VIL1: variants seen among roughly 807,000 people sequenced by gnomAD.
VIL1 encodes villin-1.
Under a neutral mutation model 104.0 loss-of-function variants are expected in VIL1, and 86 were observed. That is an observed-to-expected ratio of 0.83 (90% CI 0.69 to 0.99). The LOEUF (loss-of-function observed/expected upper bound fraction) is 0.99. Ranked by LOEUF, VIL1 falls within the 50% of genes least tolerant of loss-of-function variation. The pLI is 0.00. For missense variants in VIL1, 944 were observed against 1,054.1 expected (o/e 0.90, Z 1.45); for synonymous variants, 394 against 412.6 (o/e 0.95, Z 0.55).
rs1689058391 is a variant in VIL1 at position 218,429,504 on chromosome 2, G to T, written c.770+17G>T. ...ACTGTACCAGTGAGCGCCCAGCGGG[G>T]TCTTCCTGGGTGCTGGGGACTCCCT... is the stretch of plus-strand genomic sequence containing the variant. On this transcript the variant is annotated intron_variant, in intron 7 of 19. Coordinates refer to ENST00000248444, the MANE Select transcript of VIL1 (RefSeq NM_007127.3). 6.2e-7 allele frequency: 1 copy of T among 1,613,500 alleles called. No individual in the cohort carries two copies. The highest frequency in any genetic ancestry group is 8.5e-7 in the Non-Finnish European group (1 of 1,179,626).
intron 4 of VIL1, among the ~76,000 whole-genome samples, chr2:218,426,044 CTTA>C: frequency 6.6e-6 from 1 of 152,278 alleles, no homozygotes; most frequent in Non-Finnish European, 1.5e-5. Context: ...CTCCCTAACT[CTTA>C]TTTCTGCCAC....
Position 218,420,005 on chromosome 2 carries a change from G to A in VIL1, c.-12+837G>A, listed in dbSNP as rs1005592099. Among the ~76,000 whole-genome samples, 6 of 152,286 alleles carry A rather than the reference G, an allele frequency of 3.9e-5. No individual in the cohort carries two copies. In the South Asian group the frequency reaches 8.3e-4, roughly 21 times the overall value. On this transcript the variant is annotated intron_variant, in intron 1 of 19. Transcript: ENST00000248444. ...GCAGGAGGATGTCCTTTGTCTGAGG[G>A]GTGGGACTTCACCCCCACTGCCCCA...
In VIL1 at chr2:218,432,045, G is replaced by A; in HGVS notation, c.1204-1G>A. 1 of 1,614,106 alleles carries A rather than the reference G, an allele frequency of 6.2e-7. No homozygotes were observed. Among genetic ancestry groups the A allele is most frequent in the Non-Finnish European group, 8.5e-7 (1 of 1,180,016 alleles). Reference sequence around the variant, plus strand: ...TCACCCTGGCCTGATACTGGCCCTAGGTGTGGCGCATTGAGAACCTAGAGC... The same window carrying A: ...TCACCCTGGCCTGATACTGGCCCTAAGTGTGGCGCATTGAGAACCTAGAGC... On this transcript the variant is annotated splice_acceptor_variant, in intron 11 of 19. Transcript: ENST00000248444. LOFTEE classifies it high-confidence loss of function.
At chr2:218,424,216 T>C (rs1688939988) in intron 2 of VIL1, 61 bp from the exon 3 acceptor site, 1 of 1,500,848 alleles carries the variant, frequency 6.7e-7, no homozygotes, top group East Asian at 2.3e-5. Context: ...TGGGCCCTCC[T>C]CCCAGGCCTA....
chr2:218,437,170 C>T lies in VIL1; in HGVS notation c.2018C>T (p.Ala673Val), dbSNP rs1233345397. The T allele has an allele frequency of 1.7e-5, 27 of 1,614,012 alleles. No individual in the cohort carries two copies. Among genetic ancestry groups the T allele is most frequent in the Non-Finnish European group, 2.1e-5 (25 of 1,180,032 alleles). The change falls in exon 17 of 20, where the codon GCC (alanine) becomes GTC (valine). Residue 673 changes from alanine to valine, a missense_variant. Ala to Val is a moderately conservative substitution (Grantham distance 64, BLOSUM62 0). Coordinates refer to ENST00000248444, the MANE Select transcript of VIL1 (RefSeq NM_007127.3). The part of the protein sequence containing the change: ...GKHANEEEKK[A>V]AATTAQEYLK... ...CATGCCAACGAGGAGGAGAAGAAGG[C>T]CGCAGCAACCACTGCACAGGAATAC...
chr2:218,420,814 T>C (rs1045625423), intron 1 of VIL1, among the ~76,000 whole-genome samples: 67 of 152,252 alleles, frequency 4.4e-4, no homozygotes, highest in Non-Finnish European at 8.1e-4. Flanking sequence ...CTTGATCTCC[T>C]GACCTCGTGA....
chr2:218,425,538 G>C, intron 3 of VIL1, 77 bp from the exon 4 acceptor site: 1 of 1,474,672 alleles, frequency 6.8e-7, no homozygotes, highest in Non-Finnish European at 9.4e-7. Context: ...TGGACGGCAC[G>C]TGTGTGGGAG....
At position 218,432,063 on chromosome 2, in the gene VIL1, CCTAGAG is replaced by C. The variant is rs1320013618; in HGVS notation, c.1224_1229del (p.Glu409_Leu410del). Reference sequence around the variant, plus strand: ...GGCCCTAGGTGTGGCGCATTGAGAACCTAGAGCTGGTACCTGTGGATTCCAAGTGGC... The same window carrying C: ...GGCCCTAGGTGTGGCGCATTGAGAACCTGGTACCTGTGGATTCCAAGTGGC... On this transcript the variant is annotated inframe_deletion, in exon 12 of 20. Transcript: ENST00000248444. 1 of 1,614,082 alleles carries C rather than the reference CCTAGAG, an allele frequency of 6.2e-7. No individual in the cohort carries two copies. The highest frequency in any genetic ancestry group is 1.1e-5 in the South Asian group (1 of 91,080).
At position 218,433,902 on chromosome 2, in the gene VIL1, A is replaced by G. The variant is rs956626584; in HGVS notation, c.1501-624A>G. Among the ~76,000 whole-genome samples, 29 of 131,812 alleles carry G rather than the reference A, an allele frequency of 2.2e-4. 1 individual carries two copies. Among genetic ancestry groups the G allele is most frequent in the Admixed American group, 7.3e-4 (10 of 13,620 alleles). The allele number at this position is 131,812 out of a possible 152,430, so 86.5% of individuals were successfully genotyped here. A position where few individuals can be genotyped will look rare whatever the true frequency, so the allele number is the denominator to read the frequency against. On this transcript the variant is annotated intron_variant, in intron 13 of 19. Coordinates refer to ENST00000248444, the MANE Select transcript of VIL1 (RefSeq NM_007127.3). ...AACAGAGCGAGACTCCGTCTCAAGG[A>G]AAAAAAAAAAAAGGCTAGGCGCTGT...
At chr2:218,441,362 C>T (rs1216426609) in intron 19 of VIL1, among the ~76,000 whole-genome samples, 1 of 151,086 alleles carries the variant, frequency 6.6e-6, no homozygotes, top group Non-Finnish European at 1.5e-5. Context: ...GCACTCCACC[C>T]TGGGTGACAG....
chr2:218,430,285 G>C (rs1199359805), intron 9 of VIL1, among the ~76,000 whole-genome samples: 3 of 152,208 alleles, frequency 2.0e-5, no homozygotes, highest in African/African-American at 7.2e-5. Context: ...CCTACAAAAG[G>C]GGATTGGGTC....
At chr2:218,435,267 A>G in intron 14 of VIL1, 22 bp from the exon 15 acceptor site, 2 of 1,610,128 alleles carry the variant, frequency 1.2e-6, no homozygotes, top group Non-Finnish European at 1.7e-6. Flanking sequence ...ACTAGAAATT[A>G]GCCAACTCTT....
chr2:218,449,301 C>A lies in VIL1; in HGVS notation c.2449C>A (p.Gln817Lys). 1 of 1,613,882 alleles carries A rather than the reference C, an allele frequency of 6.2e-7. No individual in the cohort carries two copies. The highest frequency in any genetic ancestry group is 1.7e-5 in the Admixed American group (1 of 60,016). ...AAFSALPRWK[Q>K]QNLKKEKGLF ...CTTCTCTGCTCTGCCTCGATGGAAG[C>A]AACAAAACCTCAAGAAAGAAAAAGG... Residue 817 changes from glutamine to lysine, a missense_variant, in exon 20 of 20, where the codon CAA becomes AAA. Transcript: ENST00000248444.
At position 218,431,125 on chromosome 2, in the gene VIL1, G is replaced by A. The variant is rs543903684; in HGVS notation, c.1102+247G>A. The A allele has an allele frequency of 4.8e-5, 28 of 577,424 alleles. No individual in the cohort carries two copies. The South Asian group carries it at 5.4e-4, about 11-fold the overall frequency. The allele number at this position is 577,424 out of a possible 1,614,324, so 35.8% of individuals were successfully genotyped here. A position where few individuals can be genotyped will look rare whatever the true frequency, so the allele number is the denominator to read the frequency against. ...GCACTTTGGGAGGCTGAGGCGGGTG[G>A]ATCACCTGAGGTCAGGAGTTTGAGA... On this transcript the variant is annotated intron_variant, in intron 10 of 19. Coordinates refer to ENST00000248444, the MANE Select transcript of VIL1 (RefSeq NM_007127.3).
chr2:218,423,922 G>A (rs1341171632), intron 2 of VIL1, 69 bp downstream of exon 2: 1 of 1,571,250 alleles, frequency 6.4e-7, no homozygotes, highest in Non-Finnish European at 8.7e-7. Flanking sequence ...AAGGAGGGAG[G>A]CCTGGGATTT....
rs1689156253 is a variant in VIL1, at chr2:218,434,622, G to T, written c.1597G>T (p.Val533Phe). Residue 533 changes from valine to phenylalanine, a missense_variant, in exon 14 of 20, where the codon GTC becomes TTC. Physicochemically the swap from Val to Phe is conservative, Grantham distance 50 (BLOSUM62 -1). Coordinates refer to ENST00000248444, the MANE Select transcript of VIL1 (RefSeq NM_007127.3). ...CGCCAACAACACCAAGGCCTTTGAG[G>T]TCCCAGCGCGGGCCAATTTCCTCAA... ...TGANNTKAFE[V>F]PARANFLNSN... 1 of 1,614,106 alleles carries T rather than the reference G, an allele frequency of 6.2e-7. No individual in the cohort carries two copies.
Position 218,429,610 on chromosome 2 carries a change from G to A in VIL1, c.784G>A (p.Glu262Lys), listed in dbSNP as rs750393649. Residue 262 changes from glutamate (E) to lysine (K), a missense_variant, in exon 8 of 20, where the codon GAG becomes AAG. Transcript: ENST00000248444. ...ALKLYHVSDS[E>K]GNLVVREVAT... ...TCTGTCCTGCAGTGTGTCTGACTCC[G>A]AGGGGAATCTGGTGGTGAGGGAAGT... 27 of 1,614,006 alleles carry A rather than the reference G, an allele frequency of 1.7e-5. No individual in the cohort carries two copies. Among genetic ancestry groups the A allele is most frequent in the Middle Eastern group, 1.6e-4 (1 of 6,084 alleles).
chr2:218,441,810 A>G (rs943334602), intron 19 of VIL1, among the ~76,000 whole-genome samples: 5 of 152,142 alleles, frequency 3.3e-5, no homozygotes, highest in African/African-American at 1.2e-4. Flanking sequence ...CAACATGGTG[A>G]AACCCCATCT....
intron 6 of VIL1, among the ~76,000 whole-genome samples, 161 bp downstream of exon 6, chr2:218,428,498 G>T (rs1183810709): frequency 1.3e-5 from 2 of 152,180 alleles, no homozygotes; most frequent in Non-Finnish European, 2.9e-5. Flanking sequence ...GTTTGCGTGT[G>T]TGTACTTGTG....
Sources: gnomAD v4.1 joint callset for allele counts (sites outside exome capture counted in the v4.1 genomes callset) on GRCh38, gnomAD v4.1.1 for gene constraint, MANE v1.5 for transcripts, NCBI Gene and HGNC (gene_info 2026-07-23, HGNC 2026-07-21) for gene names.